PCDHGA5: variants seen among roughly 807,000 people sequenced by gnomAD.
PCDHGA5 encodes protocadherin gamma-A5.
Under a neutral mutation model 56.7 loss-of-function variants are expected in PCDHGA5, and 36 were observed. That is an observed-to-expected ratio of 0.64 (90% CI 0.49 to 0.84). The LOEUF (loss-of-function observed/expected upper bound fraction) is 0.84. Among genes scored for constraint, PCDHGA5 ranks in the 40% least tolerant of loss-of-function variants. PCDHGA5 has a pLI of 0.00. For synonymous variants in PCDHGA5, 563 were observed against 520.2 expected (o/e 1.08, Z -1.12); for missense variants, 1,305 against 1,201.5 (o/e 1.09, Z -1.27).
At chr5:141,406,277 C>T (rs1462690693) in intron 1 of PCDHGA5, among the ~76,000 whole-genome samples, 1 of 151,986 alleles carries the variant, frequency 6.6e-6, no homozygotes, top group Non-Finnish European at 1.5e-5. Flanking sequence ...GCTTCAGTTT[C>T]CCAAAGCACT....
At chr5:141,420,175 T>C (rs901184536) in intron 1 of PCDHGA5, 6 of 1,614,004 alleles carry the variant, frequency 3.7e-6, no homozygotes, top group Non-Finnish European at 5.1e-6. Context: ...CATCTGTTGA[T>C]CATTGTCCAG....
At chr5:141,399,870 C>CT (rs770811342) in intron 1 of PCDHGA5, 103 of 1,612,856 alleles carry the variant, frequency 6.4e-5, no homozygotes, top group Middle Eastern at 5.4e-4. Context: ...CAGAGCCCGG[C>CT]TACCTGGTGA....
chr5:141,422,228 T>C (rs1561800204), intron 1 of PCDHGA5: 1 of 1,565,566 alleles, frequency 6.4e-7, no homozygotes, highest in Non-Finnish European at 8.6e-7. Flanking sequence ...ACCACGACGA[T>C]GTTGATCACT....
chr5:141,389,230 T>G, intron 1 of PCDHGA5: 1 of 1,613,936 alleles, frequency 6.2e-7, no homozygotes, highest in Non-Finnish European at 8.5e-7. Flanking sequence ...AACGCTCCGG[T>G]TTTCTCACAG....
chr5:141,467,295 C>T (rs2099141170), intron 1 of PCDHGA5, among the ~76,000 whole-genome samples: 1 of 152,114 alleles, frequency 6.6e-6, no homozygotes, highest in South Asian at 2.1e-4. Flanking sequence ...TCAAGTGATC[C>T]ACTCACCTCG....
chr5:141,382,569 T>G (rs72790022), intron 1 of PCDHGA5, among the ~76,000 whole-genome samples: 9,817 of 152,272 alleles, frequency 0.064, 368 homozygotes, highest in African/African-American at 0.1. Flanking sequence ...CAAAGAAATC[T>G]AACAGGGAAA....
rs1168867612 is a variant in PCDHGA5, at chr5:141,365,142, A to T, written c.812A>T (p.Glu271Val). The part of the protein sequence containing the change: ...LLMLTATDPD[E>V]GINGKLTYSF... ...ATGCTAACCGCCACGGATCCAGATG[A>T]GGGAATAAACGGGAAATTGACCTAC... is the stretch of plus-strand genomic sequence containing the variant. The change falls in exon 1 of 4, where the codon GAG becomes GTG. Residue 271 changes from glutamate (E) to valine (V), a missense_variant. Glu to Val is a moderately radical substitution (Grantham distance 121). Coordinates refer to ENST00000518069, the MANE Select transcript of PCDHGA5 (RefSeq NM_018918.3). 1.2e-6 allele frequency: 2 copies of T among 1,613,832 alleles called. No individual in the cohort carries two copies. Among genetic ancestry groups the T allele is most frequent in the Non-Finnish European group, 1.7e-6 (2 of 1,179,902 alleles).
intron 2 of PCDHGA5, among the ~76,000 whole-genome samples, chr5:141,497,781 C>T (rs2099779421): frequency 1.3e-5 from 2 of 152,192 alleles, no homozygotes; most frequent in African/African-American, 4.8e-5. Flanking sequence ...CTCAACTGAT[C>T]CACCTGCTTC....
intron 1 of PCDHGA5, chr5:141,398,258 G>T (rs756489359): frequency 2.1e-6 from 3 of 1,454,654 alleles, no homozygotes; most frequent in Non-Finnish European, 2.8e-6. Context: ...ATGCCCAAGG[G>T]CTCCGTAGTG....
chr5:141,486,346 C>G lies in PCDHGA5; in HGVS notation c.2422-8461C>G. 1 of 1,614,120 alleles carries G rather than the reference C, an allele frequency of 6.2e-7. No individual in the cohort carries two copies. Among genetic ancestry groups the G allele is most frequent in the East Asian group, 2.2e-5 (1 of 44,874 alleles). ...GAGATGTGAGCCTCCGCATTCCTGA[C>G]CACTTGCCATTTGCCCTCAAGTCTG... On this transcript the variant is annotated intron_variant, in intron 1 of 3. Coordinates refer to ENST00000518069, the MANE Select transcript of PCDHGA5 (RefSeq NM_018918.3). This position sits in a 1 kb window ranked among gnomAD's most constrained non-coding sequence, Gnocchi z 5.0.
intron 1 of PCDHGA5, among the ~76,000 whole-genome samples, chr5:141,463,783 C>T (rs1395035313): frequency 1.3e-5 from 2 of 152,138 alleles, no homozygotes; most frequent in African/African-American, 4.8e-5. Flanking sequence ...CCTGCACTGT[C>T]TTTTGAACAA....
intron 3 of PCDHGA5, among the ~76,000 whole-genome samples, chr5:141,506,190 C>T (rs1313145580): frequency 6.6e-6 from 1 of 152,180 alleles, no homozygotes; most frequent in Non-Finnish European, 1.5e-5. Flanking sequence ...GTGGCTCACG[C>T]CTGTAATCCC....
At chr5:141,415,165 C>T (rs1410806560) in intron 1 of PCDHGA5, 10 of 1,613,746 alleles carry the variant, frequency 6.2e-6, no homozygotes, top group Non-Finnish European at 8.5e-6. Context: ...CACTGTCACG[C>T]TCACCGTGGC....
chr5:141,402,979 C>G (rs372858164), intron 1 of PCDHGA5: 9 of 1,608,716 alleles, frequency 5.6e-6, no homozygotes, highest in Non-Finnish European at 7.6e-6. Flanking sequence ...AATGCCAGCT[C>G]CGCGGAAGAT....
Position 141,511,669 on chromosome 5 carries a change from T to C in PCDHGA5, c.*496T>C, listed in dbSNP as rs1468492336. 1 of 199,424 alleles carries C rather than the reference T, an allele frequency of 5.0e-6. No individual in the cohort carries two copies. The highest frequency in any genetic ancestry group is 2.3e-5 in the African/African-American group (1 of 43,748). The allele number at this position is 199,424 out of a possible 1,614,324, so 12.4% of individuals were successfully genotyped here. ...TCTTGGCCTCTCCTTTGATTCTCAA[T>C]CTTCCCCCAAAGCATGGTTTGGTGC... On this transcript the variant is annotated 3_prime_UTR_variant, in exon 4 of 4. Coordinates refer to ENST00000518069, the MANE Select transcript of PCDHGA5 (RefSeq NM_018918.3).
At chr5:141,499,021 GAAGGAAGA>G (rs1193940810) in intron 2 of PCDHGA5, among the ~76,000 whole-genome samples, 2 of 140,162 alleles carry the variant, frequency 1.4e-5, no homozygotes, top group East Asian at 2.1e-4. Flanking sequence ...AGGAAGGAAG[GAAGGAAGA>G]AAAGAAAGAA....
At chr5:141,404,655 C>T (rs2094551486) in intron 1 of PCDHGA5, 1 of 1,614,062 alleles carries the variant, frequency 6.2e-7, no homozygotes, top group Non-Finnish European at 8.5e-7. Flanking sequence ...CCTGCCCTCC[C>T]CACTGATGGT....
chr5:141,417,776 C>T (rs2096161387), intron 1 of PCDHGA5: 1 of 1,469,712 alleles, frequency 6.8e-7, no homozygotes, highest in South Asian at 1.4e-5. Context: ...CTCCTCCTGT[C>T]CTGGGCCGAA....
At chr5:141,372,265 G>T (rs1317887998) in intron 1 of PCDHGA5, 2 of 1,613,014 alleles carry the variant, frequency 1.2e-6, no homozygotes, top group Non-Finnish European at 1.7e-6. Flanking sequence ...CTGCGCACGG[G>T]TGAGGTGCGC....
Sources: gnomAD v4.1 joint callset for allele counts (sites outside exome capture counted in the v4.1 genomes callset) on GRCh38, gnomAD v4.1.1 for gene constraint, Gnocchi (gnomAD v3.1) non-coding constraint, MANE v1.5 for transcripts, NCBI Gene and HGNC (gene_info 2026-07-23, HGNC 2026-07-21) for gene names.